ABCA4: variants seen among roughly 807,000 people sequenced by gnomAD.
ABCA4 encodes the protein retinal-specific phospholipid-transporting ATPase ABCA4.
ABCA4 carries 196 observed loss-of-function variants against 263.7 expected under a neutral mutation model. The observed-to-expected ratio is 0.74, with a 90% confidence interval of 0.66 to 0.84. The LOEUF is 0.84. Ranked by LOEUF, ABCA4 falls within the 40% of genes least tolerant of loss-of-function variation. The pLI, the probability that ABCA4 is intolerant of heterozygous loss-of-function variation, is 0.00. For missense variants in ABCA4, 2,792 were observed against 2,855.1 expected (o/e 0.98, Z 0.50); for synonymous variants, 1,133 against 1,094.2 (o/e 1.04, Z -0.70).
At chr1:94,007,864 A>G in intron 42 of ABCA4, 124 bp from the exon 43 acceptor site, 1 of 853,670 alleles carries the variant, frequency 1.2e-6, no homozygotes. Flanking sequence ...ATCAGAGGCC[A>G]CGAGCCATAT....
intron 26 of ABCA4, among the ~76,000 whole-genome samples, chr1:94,033,804 G>C (rs553325993): frequency 2.6e-5 from 4 of 152,302 alleles, no homozygotes; most frequent in Admixed American, 2.6e-4. Flanking sequence ...AAGTTCTGCA[G>C]GTTCTCGGTG....
chr1:94,046,808 A>G lies in ABCA4; in HGVS notation c.2918+111T>C, dbSNP rs2101056920. 2.9e-6 allele frequency: 4 copies of G among 1,401,966 alleles called. No homozygotes were observed. The East Asian group carries it at 9.2e-5, about 32-fold the overall frequency. The allele number at this position is 1,401,966 out of a possible 1,614,324, so 86.8% of individuals were successfully genotyped here. A position where few individuals can be genotyped will look rare whatever the true frequency, so the allele number is the denominator to read the frequency against. Reference sequence around the variant, plus strand: ...CTTTTACACATTTTTGGGGCCGCAAATATTTGTCACTAAAATTTGTGGGAA... The same window carrying G: ...CTTTTACACATTTTTGGGGCCGCAAGTATTTGTCACTAAAATTTGTGGGAA... On this transcript the variant is annotated intron_variant, in intron 19 of 49. Transcript: ENST00000370225.
chr1:94,083,181 A>G (rs762060139), intron 7 of ABCA4, among the ~76,000 whole-genome samples, 171 bp downstream of exon 7: 4 of 152,224 alleles, frequency 2.6e-5, no homozygotes, highest in Non-Finnish European at 5.9e-5. Context: ...CCTCTTACTT[A>G]AGAGCACAGA....
At chr1:94,116,445 C>T (rs983187155) in intron 1 of ABCA4, among the ~76,000 whole-genome samples, 7 of 152,222 alleles carry the variant, frequency 4.6e-5, no homozygotes, top group Middle Eastern at 6.8e-3. Context: ...GTAGTTCCAC[C>T]GTGCAGCCAA....
rs577385550 is a variant in ABCA4, at chr1:94,080,523, C to T, written c.1054G>A (p.Asp352Asn). The T allele has an allele frequency of 1.2e-5, 19 of 1,614,120 alleles. No individual in the cohort carries two copies. Among genetic ancestry groups the T allele is most frequent in the Admixed American group, 1.2e-4 (7 of 60,028 alleles). ...DNNYKAFLGI[D>N]STRKDPIYSY... ...TAGATAGGATCCTTCCTTGTGGAGT[C>T]AATCCCCAGAAAGGCCTTATAGTTA... The change falls in exon 8 of 50, where the codon GAC becomes AAC. Residue 352 changes from aspartate (D) to asparagine (N), a missense_variant. Asp to Asn is a conservative substitution (Grantham distance 23). Transcript: ENST00000370225.
chr1:94,079,249 T>TCA lies in ABCA4; in HGVS notation c.1239+71_1239+72dup, dbSNP rs4147886. The TCA allele has an allele frequency of 0.27, 377,283 of 1,393,638 alleles. 13,206 individuals carry two copies. Among genetic ancestry groups the TCA allele is most frequent in the Non-Finnish European group, 0.29 (296,290 of 1,007,752 alleles). 86.3% of individuals were successfully genotyped at this position (1,393,638 alleles called of 1,614,324 possible). A position where few individuals can be genotyped will look rare whatever the true frequency, so the allele number is the denominator to read the frequency against. Reference sequence around the variant, plus strand: ...GTGCTACCAGGAAGGCACATCTCTCTCACACACACACACACACACACACAC... The same window carrying TCA: ...GTGCTACCAGGAAGGCACATCTCTCTCACACACACACACACACACACACACAC... On this transcript the variant is annotated intron_variant, in intron 9 of 49. Transcript: ENST00000370225.
At chr1:94,045,915 C>T (rs1298844231) in intron 19 of ABCA4, 1 of 456,306 alleles carries the variant, frequency 2.2e-6, no homozygotes, top group African/African-American at 2.0e-5. Context: ...GTGTTCTCCT[C>T]TCAGCAGATG....
chr1:94,108,937 T>C (rs1190486871), intron 3 of ABCA4, among the ~76,000 whole-genome samples: 1 of 151,960 alleles, frequency 6.6e-6, no homozygotes, highest in Admixed American at 6.6e-5. Context: ...CACACCCAGC[T>C]AATTTTTTAT....
At chr1:94,040,597 C>T (rs1327291668) in intron 23 of ABCA4, among the ~76,000 whole-genome samples, 2 of 152,194 alleles carry the variant, frequency 1.3e-5, no homozygotes, top group Non-Finnish European at 2.9e-5. Flanking sequence ...CTTATCTTCA[C>T]ATCCCTAAGA....
chr1:94,085,753 T>G (rs1443653016), intron 6 of ABCA4, among the ~76,000 whole-genome samples: 1 of 152,216 alleles, frequency 6.6e-6, no homozygotes, highest in Non-Finnish European at 1.5e-5. Context: ...GCTTCTCTGC[T>G]GCCACAGTGG....
At chr1:94,110,546 T>C (rs1662575266) in intron 3 of ABCA4, among the ~76,000 whole-genome samples, 1 of 152,170 alleles carries the variant, frequency 6.6e-6, no homozygotes, top group Non-Finnish European at 1.5e-5. Flanking sequence ...GGCCTTCAGG[T>C]ATGGGCTGCA....
At chr1:94,097,887 T>C (rs189745649) in intron 6 of ABCA4, among the ~76,000 whole-genome samples, 72 of 152,270 alleles carry the variant, frequency 4.7e-4, no homozygotes, top group African/African-American at 1.2e-3. Flanking sequence ...GTAGCTGGGA[T>C]TACAGGCGCC....
chr1:94,087,839 C>T (rs192601426), intron 6 of ABCA4, among the ~76,000 whole-genome samples: 166 of 152,318 alleles, frequency 1.1e-3, no homozygotes, highest in African/African-American at 3.7e-3. Context: ...GCTGGGGACA[C>T]GGCAGTGAAT....
chr1:94,097,430 T>G (rs1196443781), intron 6 of ABCA4, among the ~76,000 whole-genome samples: 1 of 152,166 alleles, frequency 6.6e-6, no homozygotes, highest in Non-Finnish European at 1.5e-5. Context: ...AGAGCAGTCA[T>G]GAAACAGACA....
intron 47 of ABCA4, among the ~76,000 whole-genome samples, chr1:93,998,597 C>T (rs1424067804): frequency 2.0e-5 from 3 of 152,148 alleles, no homozygotes; most frequent in Non-Finnish European, 2.9e-5. Context: ...AGAGAAAAAC[C>T]ATGGTAGTCC....
chr1:94,111,267 A>G (rs1214267054), intron 3 of ABCA4, among the ~76,000 whole-genome samples, 171 bp downstream of exon 3: 4 of 152,242 alleles, frequency 2.6e-5, no homozygotes, highest in African/African-American at 9.6e-5. Flanking sequence ...GTGCCCTGAC[A>G]GTTAACAGAA....
At chr1:94,032,127 AT>A (rs1477814810) in intron 26 of ABCA4, 84 bp from the exon 27 acceptor site, 27 of 1,527,586 alleles carry the variant, frequency 1.8e-5, no homozygotes, top group Non-Finnish European at 2.3e-5. Context: ...CCCTTACAGC[AT>A]TGATTTTCCT....
At position 93,994,885 on chromosome 1, in the gene ABCA4, G is replaced by A. The variant is rs1571238344; in HGVS notation, c.6816+1224C>T. Among the ~76,000 whole-genome samples the A allele has an allele frequency of 2.6e-5, 4 of 152,336 alleles. No homozygotes were observed. The South Asian group carries it at 8.3e-4, about 32-fold the overall frequency. On this transcript the variant is annotated intron_variant, in intron 49 of 49. Transcript: ENST00000370225. ...TGTGGTGGGATTAGTCCTTTAAGAG[G>A]GAACATGCCAGGCAGGGGTGGGGAG...
At chr1:94,087,916 A>G (rs1661874950) in intron 6 of ABCA4, among the ~76,000 whole-genome samples, 1 of 152,158 alleles carries the variant, frequency 6.6e-6, no homozygotes, top group Non-Finnish European at 1.5e-5. Flanking sequence ...CAGCCCTTCC[A>G]TCACTGTCGT....
Sources: gnomAD v4.1 joint callset for allele counts (sites outside exome capture counted in the v4.1 genomes callset) on GRCh38, gnomAD v4.1.1 for gene constraint, MANE v1.5 for transcripts, NCBI Gene and HGNC (gene_info 2026-07-23, HGNC 2026-07-21) for gene names.